Variants in COL5A2 observed in about 807,000 individuals in gnomAD.
COL5A2 encodes collagen alpha-2(V) chain.
In COL5A2, 23 loss-of-function variants were observed where a neutral mutation model predicts 208.2. That is an observed-to-expected ratio of 0.11 (90% CI 0.08 to 0.16). The LOEUF is 0.16. COL5A2 is among the 10% of genes least tolerant of loss of function. COL5A2 has a pLI of 1.00. For missense variants in COL5A2, 1,590 were observed against 1,956.4 expected, an observed-to-expected ratio of 0.81 and a Z score of 3.53; for synonymous variants, 625 against 628.5, an observed-to-expected ratio of 0.99 and a Z score of 0.08.
At chr2:189,430,952 C>A in the COL5A2 span, among the ~76,000 whole-genome samples, 1 of 152,122 alleles carries the variant, frequency 6.6e-6, no homozygotes, top group Non-Finnish European at 1.5e-5. Context: ...AGGTGGGTGC[C>A]CCTATGGGAC....
At chr2:189,274,931 T>G in the COL5A2 span, among the ~76,000 whole-genome samples, 1 of 152,152 alleles carries the variant, frequency 6.6e-6, no homozygotes, top group South Asian at 2.1e-4. Context: ...ATGAGCACAA[T>G]TTTTATTGTT....
chr2:189,274,864 A>C, the COL5A2 span, among the ~76,000 whole-genome samples: 5 of 152,196 alleles, frequency 3.3e-5, no homozygotes, highest in African/African-American at 1.2e-4. Context: ...TCAGTAATAA[A>C]AAATAAAATA....
chr2:189,335,108 A>G, the COL5A2 span, among the ~76,000 whole-genome samples: 1 of 152,112 alleles, frequency 6.6e-6, no homozygotes, highest in Non-Finnish European at 1.5e-5. Context: ...AAAAGCTAGA[A>G]TCATAAAGCT....
the COL5A2 span, among the ~76,000 whole-genome samples, chr2:189,399,704 T>C: frequency 4.6e-5 from 7 of 152,216 alleles, no homozygotes; most frequent in East Asian, 1.4e-3. Flanking sequence ...TTTTGGTTGG[T>C]TGGTTATCTG....
intron 18 of COL5A2, among the ~76,000 whole-genome samples, chr2:189,071,203 A>G (rs1045113697): frequency 3.9e-5 from 6 of 152,138 alleles, no homozygotes; most frequent in African/African-American, 1.4e-4. Context: ...ATGAGAAAAC[A>G]AAGTTTAGAG....
chr2:189,273,410 A>G, the COL5A2 span, among the ~76,000 whole-genome samples: 1 of 152,188 alleles, frequency 6.6e-6, no homozygotes, highest in South Asian at 2.1e-4. Context: ...GTAAAAATGT[A>G]AATTAATACA....
intron 35 of COL5A2, chr2:189,056,703 TGATAGAGAAAGATAAAGAG>T (rs1028581374): frequency 1.9e-5 from 10 of 514,554 alleles, no homozygotes; most frequent in Non-Finnish European, 3.5e-5. Context: ...AATAAAAAGA[TGATAGAGAAAGATAAAGAG>T]GGCCCCCATC....
At chr2:189,082,489 CAT>C (rs1686556565) in intron 12 of COL5A2, among the ~76,000 whole-genome samples, 1 of 152,178 alleles carries the variant, frequency 6.6e-6, no homozygotes, top group Non-Finnish European at 1.5e-5. Flanking sequence ...GTCTCCTCTC[CAT>C]CCTTAGCAGG....
At position 189,098,661 on chromosome 2, in the gene COL5A2, T is replaced by C. The variant is rs116015859; in HGVS notation, c.402+66A>G. ...CTTTTATCTTCTCATGGATATAATA[T>C]CTGTAAAGATTTTCAGTATCTCAAG... is the stretch of plus-strand genomic sequence containing the variant. On this transcript the variant is annotated intron_variant, in intron 5 of 53. Coordinates refer to ENST00000374866, the MANE Select transcript of COL5A2 (RefSeq NM_000393.5). The C allele has an allele frequency of 2.2e-4, 263 of 1,174,016 alleles. 1 individual carries two copies. The African/African-American group carries it at 3.8e-3, about 17-fold the overall frequency. The allele number at this position is 1,174,016 out of a possible 1,614,324, so 72.7% of individuals were successfully genotyped here. A position where few individuals can be genotyped will look rare whatever the true frequency, so the allele number is the denominator to read the frequency against.
intron 43 of COL5A2, 78 bp downstream of exon 43, chr2:189,050,491 C>T (rs1350259142): frequency 3.1e-5 from 38 of 1,212,376 alleles, no homozygotes; most frequent in Non-Finnish European, 4.0e-5. Context: ...ATTCATCAAG[C>T]AAAAAAAATA....
chr2:189,325,060 C>T, the COL5A2 span, among the ~76,000 whole-genome samples: 1 of 147,676 alleles, frequency 6.8e-6, no homozygotes, highest in South Asian at 2.2e-4. Context: ...AGCAAACTAT[C>T]GCAAGGACAA....
At position 189,138,678 on chromosome 2, in the gene COL5A2, G is replaced by A. The variant is rs1169277871; in HGVS notation, c.98-28229C>T. 4.6e-5 allele frequency among the ~76,000 whole-genome samples: 7 copies of A among 151,856 alleles called. No individual in the cohort carries two copies. In the East Asian group the frequency reaches 5.8e-4, roughly 13 times the overall value. ...GACTGGGCCAATAAATATACAAAAC[G>A]AACCTAGAACATCTTATAGTAACCG... On this transcript the variant is annotated intron_variant, in intron 1 of 53. Transcript: ENST00000374866.
chr2:189,254,066 A>C, the COL5A2 span, among the ~76,000 whole-genome samples: 6 of 152,358 alleles, frequency 3.9e-5, no homozygotes, highest in South Asian at 1.2e-3. Flanking sequence ...CTTACTTCTA[A>C]TGTTTCATCA....
intron 1 of COL5A2, among the ~76,000 whole-genome samples, chr2:189,138,969 T>C (rs1355843651): frequency 3.9e-5 from 6 of 152,154 alleles, no homozygotes; most frequent in Non-Finnish European, 5.9e-5. Flanking sequence ...CCCCACCCTT[T>C]AAAAGTTGAA....
chr2:189,423,826 A>C, the COL5A2 span, among the ~76,000 whole-genome samples: 3 of 152,098 alleles, frequency 2.0e-5, no homozygotes, highest in African/African-American at 7.2e-5. Context: ...AACTCTTCCA[A>C]AAAATTGGAG....
chr2:189,165,197 T>C lies in COL5A2; in HGVS notation c.97+14311A>G, dbSNP rs1688441784. 2.0e-5 allele frequency among the ~76,000 whole-genome samples: 3 copies of C among 152,344 alleles called. 1 individual carries two copies. ...ACTTAATTTGCCAAATGCATTCTAA[T>C]ACCAAAGGATAATTTTTGGGGGTTT... On this transcript the variant is annotated intron_variant, in intron 1 of 53. Coordinates refer to ENST00000374866, the MANE Select transcript of COL5A2 (RefSeq NM_000393.5).
At chr2:189,421,448 G>A in the COL5A2 span, among the ~76,000 whole-genome samples, 4 of 152,170 alleles carry the variant, frequency 2.6e-5, no homozygotes, top group African/African-American at 9.7e-5. Flanking sequence ...ACACTGAGGA[G>A]AGTAGGAAAG....
chr2:189,340,204 G>A, the COL5A2 span, among the ~76,000 whole-genome samples: 1 of 152,136 alleles, frequency 6.6e-6, no homozygotes. Flanking sequence ...TCAGTCAGTG[G>A]GGGGCTTAGG....
the COL5A2 span, among the ~76,000 whole-genome samples, chr2:189,435,840 G>A: frequency 5.9e-5 from 9 of 152,172 alleles, no homozygotes; most frequent in African/African-American, 2.2e-4. Context: ...TATACCCAAA[G>A]CATTATAAAT....
Sources: allele counts gnomAD v4.1 joint callset (sites outside exome capture counted in the v4.1 genomes callset), GRCh38; gene constraint gnomAD v4.1.1; transcripts MANE v1.5; gene names NCBI Gene and HGNC (gene_info 2026-07-23, HGNC 2026-07-21).